Variants in PCDHA3 observed in about 807,000 individuals in gnomAD.
PCDHA3 encodes the protein protocadherin alpha 3, also known as protocadherin alpha-3.
PCDHA3 carries 41 observed loss-of-function variants against 62.2 expected under a neutral mutation model. The ratio of observed to expected loss-of-function variants is 0.66; its 90% confidence interval spans 0.51 to 0.86. The LOEUF (loss-of-function observed/expected upper bound fraction) is 0.86. PCDHA3 is among the 40% of genes least tolerant of loss of function. The pLI, the probability that PCDHA3 is intolerant of heterozygous loss-of-function variation, is 0.00. For missense variants in PCDHA3, 1,304 were observed against 1,241.2 expected (o/e 1.05, Z -0.76); for synonymous variants, 640 against 555.4 (o/e 1.15, Z -2.14).
At chr5:140,947,642 C>T (rs62384502) in intron 1 of PCDHA3, among the ~76,000 whole-genome samples, 2 of 151,520 alleles carry the variant, frequency 1.3e-5, no homozygotes, top group East Asian at 1.9e-4. Context: ...ATCGTATGAA[C>T]ATATATACCT....
chr5:140,979,074 C>T, intron 2 of PCDHA3, 67 bp downstream of exon 2: 4 of 1,583,968 alleles, frequency 2.5e-6, no homozygotes, highest in Non-Finnish European at 2.6e-6. Context: ...TAAACTGCAT[C>T]TCCATAGGCC....
rs1172235906 is a variant in PCDHA3, at chr5:140,871,551, C to T, written c.2394+67960C>T. 10 of 1,494,576 alleles carry T rather than the reference C, an allele frequency of 6.7e-6. No homozygotes were observed. The Admixed American group carries it at 2.5e-4, about 38-fold the overall frequency. 92.6% of individuals were successfully genotyped at this position (1,494,576 alleles called of 1,614,324 possible). ...AGTGTATGTGAAATTATTTAAAATC[C>T]AGTTTTTTTTCACGGATTTTTTAAG... On this transcript the variant is annotated intron_variant, in intron 1 of 3. Transcript: ENST00000522353.
intron 1 of PCDHA3, among the ~76,000 whole-genome samples, chr5:140,925,025 C>T (rs1180931899): frequency 6.6e-6 from 1 of 151,492 alleles, no homozygotes; most frequent in Non-Finnish European, 1.5e-5. Context: ...ATGGGAGGAT[C>T]GCTTGAGCCC....
chr5:140,807,880 A>C (rs1338912507), intron 1 of PCDHA3: 9 of 1,614,034 alleles, frequency 5.6e-6, no homozygotes, highest in African/African-American at 1.3e-5. Flanking sequence ...TACTCATCAC[A>C]GTACTGGATG....
At chr5:140,833,777 A>C (rs2150211299) in intron 1 of PCDHA3, among the ~76,000 whole-genome samples, 1 of 152,046 alleles carries the variant, frequency 6.6e-6, no homozygotes, top group South Asian at 2.1e-4. Flanking sequence ...CCGCTTTCTA[A>C]GTTTCTCTTT....
At chr5:140,876,524 T>A in intron 1 of PCDHA3, 1 of 1,614,136 alleles carries the variant, frequency 6.2e-7, no homozygotes, top group Non-Finnish European at 8.5e-7. Flanking sequence ...CCTGAAGTAA[T>A]GGTTACTTCA....
intron 1 of PCDHA3, among the ~76,000 whole-genome samples, chr5:140,971,186 G>T (rs1052745272): frequency 1.8e-4 from 28 of 152,258 alleles, no homozygotes; most frequent in African/African-American, 6.7e-4. Context: ...TAAGCCGGAA[G>T]CTCAGAGGAA....
chr5:140,807,023 A>T, intron 1 of PCDHA3: 1 of 827,342 alleles, frequency 1.2e-6, no homozygotes, highest in Non-Finnish European at 1.9e-6. Flanking sequence ...ACATGAGAGA[A>T]GGAGGAAGAA....
chr5:140,902,114 A>G (rs2069112413), intron 1 of PCDHA3, among the ~76,000 whole-genome samples: 1 of 151,286 alleles, frequency 6.6e-6, no homozygotes. Flanking sequence ...TTTTTTTAAA[A>G]CTGAGATTAT....
intron 1 of PCDHA3, among the ~76,000 whole-genome samples, chr5:140,840,577 G>A (rs185474153): frequency 6.6e-6 from 1 of 151,966 alleles, no homozygotes; most frequent in Non-Finnish European, 1.5e-5. Flanking sequence ...GCATGTCAGA[G>A]AAATCATAAA....
At chr5:140,821,286 A>G (rs1383696514) in intron 1 of PCDHA3, among the ~76,000 whole-genome samples, 1 of 152,166 alleles carries the variant, frequency 6.6e-6, no homozygotes, top group Admixed American at 6.5e-5. Context: ...GAAATATATA[A>G]ACTCCTCCCT....
intron 1 of PCDHA3, chr5:140,822,877 A>T (rs1554128927): frequency 1.9e-6 from 3 of 1,614,196 alleles, no homozygotes; most frequent in Admixed American, 1.7e-5. Context: ...CAGCACGGTC[A>T]TTGCTCTGAT....
intron 1 of PCDHA3, among the ~76,000 whole-genome samples, chr5:140,844,982 A>T (rs2150375491): frequency 6.7e-6 from 1 of 149,170 alleles, no homozygotes; most frequent in East Asian, 1.9e-4. Context: ...TATTGTTTTA[A>T]ATCTTTTAAT....
In PCDHA3 at chr5:140,822,776, AAGT is replaced by A. The variant is rs2150119362; in HGVS notation, c.2394+19192_2394+19194del. On this transcript the variant is annotated intron_variant, in intron 1 of 3. Coordinates refer to ENST00000522353, the MANE Select transcript of PCDHA3 (RefSeq NM_018906.3). ...ACATTCCCATTATCAGGACACTGTA[AAGT>A]AGTAGTGAAACTCCTGGATGTGAAT... The A allele has an allele frequency of 3.7e-6, 6 of 1,614,134 alleles. No individual in the cohort carries two copies. In the South Asian group the frequency reaches 6.6e-5, roughly 18 times the overall value.
chr5:140,819,333 C>T (rs2150103874), intron 1 of PCDHA3, among the ~76,000 whole-genome samples: 20 of 152,126 alleles, frequency 1.3e-4, no homozygotes, highest in African/African-American at 4.6e-4. Flanking sequence ...GAATAAAGGA[C>T]ATTTGTACCC....
chr5:140,814,706 C>G (rs1320016960), intron 1 of PCDHA3: 2 of 152,166 alleles, frequency 1.3e-5, no homozygotes, highest in Non-Finnish European at 2.9e-5. Flanking sequence ...TACATCATCA[C>G]TAGGTGATAG....
intron 1 of PCDHA3, chr5:140,842,311 G>A: frequency 6.2e-7 from 1 of 1,608,842 alleles, no homozygotes; most frequent in Non-Finnish European, 8.5e-7. Context: ...ATCCTCCCAT[G>A]GCGGGTCATT....
chr5:140,871,291 G>C, intron 1 of PCDHA3: 1 of 1,613,906 alleles, frequency 6.2e-7, no homozygotes, highest in Non-Finnish European at 8.5e-7. Flanking sequence ...CACTGAGGGC[G>C]CGTGCGCGCC....
At chr5:141,005,610 G>C (rs1184044588) in intron 3 of PCDHA3, among the ~76,000 whole-genome samples, 1 of 147,582 alleles carries the variant, frequency 6.8e-6, no homozygotes, top group Non-Finnish European at 1.5e-5. Context: ...GCTGAGGCAG[G>C]AGAATGGCGT....
Sources: allele counts gnomAD v4.1 joint callset (sites outside exome capture counted in the v4.1 genomes callset), GRCh38; gene constraint gnomAD v4.1.1; transcripts MANE v1.5; gene names NCBI Gene and HGNC (gene_info 2026-07-23, HGNC 2026-07-21).